Variants in GALNT13 observed in about 807,000 individuals in gnomAD.
The protein encoded by GALNT13 is UDP-GalNAc:polypeptide N-acetylgalactosaminyltransferase 13.
GALNT13 carries 28 observed loss-of-function variants against 64.2 expected under a neutral mutation model. The observed-to-expected ratio is 0.44, with a 90% CI of 0.32 to 0.60. GALNT13 has a LOEUF of 0.60. GALNT13 is among the 20% of genes least tolerant of loss of function. GALNT13 has a pLI of 0.05. For missense variants in GALNT13, 577 were observed against 669.8 expected, an observed-to-expected ratio of 0.86 and a Z score of 1.53; for synonymous variants, 214 against 224.6, an observed-to-expected ratio of 0.95 and a Z score of 0.42.
the GALNT13 span, among the ~76,000 whole-genome samples, chr2:153,463,204 T>C: frequency 6.6e-6 from 1 of 152,048 alleles, no homozygotes; most frequent in Non-Finnish European, 1.5e-5. Context: ...TGTGGGAGAA[T>C]TGCATAGTGA....
intron 3 of GALNT13, among the ~76,000 whole-genome samples, chr2:153,953,861 C>A (rs1326310156): frequency 6.6e-6 from 1 of 152,050 alleles, no homozygotes; most frequent in African/African-American, 2.4e-5. Context: ...TGGGGGAAAT[C>A]AAAATGAGTG....
the GALNT13 span, among the ~76,000 whole-genome samples, chr2:153,562,160 G>A: frequency 2.6e-4 from 39 of 149,806 alleles, no homozygotes; most frequent in African/African-American, 9.1e-4. Flanking sequence ...ATTTTTTTCT[G>A]AACCATTTGT....
At chr2:153,647,306 G>A in the GALNT13 span, among the ~76,000 whole-genome samples, 4 of 152,080 alleles carry the variant, frequency 2.6e-5, no homozygotes, top group Non-Finnish European at 4.4e-5. Context: ...CTTGTTGATG[G>A]GGTTATTTGT....
At chr2:154,113,956 C>T (rs1035877145) in intron 3 of GALNT13, among the ~76,000 whole-genome samples, 1 of 152,182 alleles carries the variant, frequency 6.6e-6, no homozygotes. Context: ...AGCAATAAAA[C>T]CACATCTGGT....
the GALNT13 span, among the ~76,000 whole-genome samples, chr2:153,687,586 A>AT: frequency 3.8e-4 from 58 of 151,968 alleles, no homozygotes; most frequent in African/African-American, 1.3e-3. Context: ...ACCTTTTAAA[A>AT]TTTTTTATTT....
chr2:154,139,881 A>G (rs1196387922), intron 3 of GALNT13, among the ~76,000 whole-genome samples: 2 of 152,128 alleles, frequency 1.3e-5, no homozygotes, highest in East Asian at 1.9e-4. Flanking sequence ...CACAATTCAA[A>G]ATGTTTAGTT....
chr2:153,509,044 C>T, the GALNT13 span, among the ~76,000 whole-genome samples: 2 of 152,156 alleles, frequency 1.3e-5, no homozygotes, highest in Non-Finnish European at 2.9e-5. Context: ...TAAACCCTTC[C>T]CAGTTTGGGG....
the GALNT13 span, among the ~76,000 whole-genome samples, chr2:153,628,076 G>C: frequency 1.3e-5 from 2 of 152,144 alleles, no homozygotes; most frequent in South Asian, 4.1e-4. Context: ...TCCCTTGTAA[G>C]TGGGATTCCT....
chr2:153,300,991 G>T, the GALNT13 span, among the ~76,000 whole-genome samples: 3 of 152,008 alleles, frequency 2.0e-5, no homozygotes, highest in African/African-American at 7.3e-5. Flanking sequence ...ATAGCTTCAG[G>T]CCAGATGTTT....
intron 3 of GALNT13, among the ~76,000 whole-genome samples, chr2:154,009,694 T>C (rs139941937): frequency 1.1e-3 from 170 of 152,204 alleles, no homozygotes; most frequent in Middle Eastern, 0.01. Flanking sequence ...TTCACCATAT[T>C]CATCAGGCTG....
chr2:153,706,579 A>G, the GALNT13 span, among the ~76,000 whole-genome samples: 1 of 152,370 alleles, frequency 6.6e-6, no homozygotes, highest in Non-Finnish European at 1.5e-5. Context: ...ACGTGTGTGC[A>G]CATGAATATG....
At chr2:154,269,930 A>ATATATGTGTAT (rs1553506263) in intron 8 of GALNT13, among the ~76,000 whole-genome samples, 2 of 142,874 alleles carry the variant, frequency 1.4e-5, no homozygotes, top group Non-Finnish European at 3.1e-5. Context: ...ATATATTTCT[A>ATATATGTGTAT]AAGCACAGGG....
At chr2:153,455,886 G>C in the GALNT13 span, among the ~76,000 whole-genome samples, 1 of 152,156 alleles carries the variant, frequency 6.6e-6, no homozygotes, top group Non-Finnish European at 1.5e-5. Context: ...TTGAATGATG[G>C]TAAATGCGGA....
At chr2:153,108,980 A>G in the GALNT13 span, among the ~76,000 whole-genome samples, 342 of 152,318 alleles carry the variant, frequency 2.2e-3, 2 homozygotes, top group African/African-American at 8.1e-3. Context: ...TGGAGCCTCA[A>G]TTGAAGCCAG....
chr2:153,444,024 T>G, the GALNT13 span, among the ~76,000 whole-genome samples: 1 of 152,222 alleles, frequency 6.6e-6, no homozygotes, highest in African/African-American at 2.4e-5. Flanking sequence ...ATAATTTATC[T>G]TGACAGTGCT....
At chr2:154,060,291 A>T (rs1700108372) in intron 3 of GALNT13, among the ~76,000 whole-genome samples, 1 of 152,202 alleles carries the variant, frequency 6.6e-6, no homozygotes, top group Admixed American at 6.5e-5. Flanking sequence ...GTAGGCTCAC[A>T]AGACCAAGAT....
the GALNT13 span, among the ~76,000 whole-genome samples, chr2:153,799,091 G>A: frequency 6.6e-6 from 1 of 152,232 alleles, no homozygotes; most frequent in East Asian, 1.9e-4. Context: ...TGACTTAACA[G>A]GTGTCCATAT....
At chr2:153,331,637 T>G in the GALNT13 span, among the ~76,000 whole-genome samples, 1 of 152,124 alleles carries the variant, frequency 6.6e-6, no homozygotes, top group Non-Finnish European at 1.5e-5. Context: ...CGTTTTTTTT[T>G]GCCTGCTTTA....
At chr2:153,128,190 C>A in the GALNT13 span, among the ~76,000 whole-genome samples, 2 of 152,042 alleles carry the variant, frequency 1.3e-5, no homozygotes, top group African/African-American at 4.8e-5. Context: ...TGTATTAGTC[C>A]CTTTTCATGC....
Sources: allele counts gnomAD v4.1 joint callset (sites outside exome capture counted in the v4.1 genomes callset), GRCh38; gene constraint gnomAD v4.1.1; transcripts MANE v1.5; gene names NCBI Gene and HGNC (gene_info 2026-07-23, HGNC 2026-07-21).